ICMT: variants seen among roughly 807,000 people sequenced by gnomAD.
ICMT encodes the protein protein-S-isoprenylcysteine O-methyltransferase.
Under a neutral mutation model 32.2 loss-of-function variants are expected in ICMT, and 10 were observed. That is an observed-to-expected ratio of 0.31 (90% confidence interval 0.19 to 0.53). The LOEUF is 0.53. Among genes scored for constraint, ICMT ranks in the 20% least tolerant of loss-of-function variants. The pLI is 0.96. For synonymous variants in ICMT, 183 were observed against 158.2 expected, an observed-to-expected ratio of 1.16 and a Z score of -1.18; for missense variants, 265 against 356.9, an observed-to-expected ratio of 0.74 and a Z score of 2.07.
chr1:6,223,130 T>G lies in ICMT; in HGVS notation c.*1950A>C, dbSNP rs1193650233. 6.6e-6 allele frequency: 1 copy of G among 152,296 alleles called. No homozygotes were observed. Among genetic ancestry groups the G allele is most frequent in the Non-Finnish European group, 1.5e-5 (1 of 68,154 alleles). The allele number at this position is 152,296 out of a possible 1,614,324, so 9.4% of individuals were successfully genotyped here. A position where few individuals can be genotyped will look rare whatever the true frequency, so the allele number is the denominator to read the frequency against. The stretch of plus-strand genomic sequence containing the variant: ...TTGTTGTTGTTGTTGTTTTTTGAGA[T>G]GGAGTCTCGCCCTGTTGCCCAGACT... On this transcript the variant is annotated 3_prime_UTR_variant, in exon 5 of 5. Coordinates refer to ENST00000343813, the MANE Select transcript of ICMT (RefSeq NM_012405.4).
intron 1 of ICMT, 43 bp downstream of exon 1, chr1:6,235,674 C>T: frequency 8.8e-7 from 1 of 1,135,148 alleles, no homozygotes; most frequent in Non-Finnish European, 1.1e-6. Context: ...AAGCGGACCG[C>T]CGCCCGCCCC....
At chr1:6,230,779 C>T (rs2100965895) in intron 4 of ICMT, among the ~76,000 whole-genome samples, 1 of 151,832 alleles carries the variant, frequency 6.6e-6, no homozygotes, top group South Asian at 2.1e-4. Flanking sequence ...GTCCCAGCTA[C>T]TCAGGAGGCT....
chr1:6,230,466 A>G (rs57924020), intron 4 of ICMT, among the ~76,000 whole-genome samples: 27,242 of 151,522 alleles, frequency 0.18, 4,433 homozygotes, highest in African/African-American at 0.44. Flanking sequence ...CCTGTAATGT[A>G]TTCCAGCTAC....
At chr1:6,234,999 A>G in intron 1 of ICMT, 25 bp from the exon 2 acceptor site, 3 of 1,568,802 alleles carry the variant, frequency 1.9e-6, no homozygotes, top group Non-Finnish European at 2.6e-6. Context: ...AGAGAAGCTC[A>G]GTCATTCACA....
Position 6,223,303 on chromosome 1 carries a change from TTTA to T in ICMT, c.*1774_*1776del, listed in dbSNP as rs1668589505. On this transcript the variant is annotated 3_prime_UTR_variant, in exon 5 of 5. Transcript: ENST00000343813. ...TTTGTATTTTTAGTAGAGACGGGGT[TTTA>T]TCATGTTGGCCAGGCTGGTCTCGAA... is the stretch of plus-strand genomic sequence containing the variant. The T allele has an allele frequency of 6.6e-6, 1 of 152,178 alleles. No individual in the cohort carries two copies. 9.4% of individuals were successfully genotyped at this position (152,178 alleles called of 1,614,324 possible).
Position 6,233,455 on chromosome 1 carries a change from G to A in ICMT, c.454+19C>T, listed in dbSNP as rs772726013. 1.4e-4 allele frequency: 226 copies of A among 1,607,406 alleles called. 2 individuals carry two copies. The highest frequency in any genetic ancestry group is 1.7e-4 in the Non-Finnish European group (195 of 1,176,610). ...AGCCACCCTTTTCCCCTCCAGAGGG[G>A]GACATAAGGCACACGAACCTGGCCA... On this transcript the variant is annotated intron_variant, in intron 3 of 4. Transcript: ENST00000343813.
In ICMT at chr1:6,221,740, G is replaced by A. The variant is rs1274324049; in HGVS notation, c.*3340C>T. 6.6e-6 allele frequency: 1 copy of A among 152,216 alleles called. No individual in the cohort carries two copies. 9.4% of individuals were successfully genotyped at this position (152,216 alleles called of 1,614,324 possible). A position where few individuals can be genotyped will look rare whatever the true frequency, so the allele number is the denominator to read the frequency against. ...AGGCTCAAGGAGCAGCTCGTGAAGG[G>A]GTGGCAGGTGCGCTGCTGCCTTGTT... On this transcript the variant is annotated 3_prime_UTR_variant, in exon 5 of 5. Transcript: ENST00000343813.
intron 4 of ICMT, among the ~76,000 whole-genome samples, chr1:6,231,668 G>C (rs1217124958): frequency 2.0e-5 from 3 of 152,128 alleles, no homozygotes; most frequent in Non-Finnish European, 4.4e-5. Context: ...TGGGCACATA[G>C]TGAAAAGCAT....
chr1:6,227,006 A>G (rs116644935), intron 4 of ICMT, among the ~76,000 whole-genome samples: 1 of 152,362 alleles, frequency 6.6e-6, no homozygotes, highest in African/African-American at 2.4e-5. Flanking sequence ...CTACAGTGGG[A>G]GTTCTCTATA....
chr1:6,234,962 C>G lies in ICMT; in HGVS notation c.208G>C (p.Ala70Pro). The change falls in exon 2 of 5, where the codon GCT becomes CCT. Residue 70 changes from alanine (A) to proline (P), a missense_variant. Around this residue, in one of 2 missense-constraint regions of ICMT, gnomAD observed 166 missense variants for 264.3 expected, o/e 0.63. Coordinates refer to ENST00000343813, the MANE Select transcript of ICMT (RefSeq NM_012405.4). ...RPPRYQIAIR[A>P]CFLGFVFGCG... ...CCGAACACAAACCCCAGGAAACAAGCTCGGATGGCTATCTGAAAGGAACCC... is the reference window on the plus strand; with the variant it reads ...CCGAACACAAACCCCAGGAAACAAGGTCGGATGGCTATCTGAAAGGAACCC... The G allele has an allele frequency of 6.2e-7, 1 of 1,613,792 alleles. No individual in the cohort carries two copies. Among genetic ancestry groups the G allele is most frequent in the Non-Finnish European group, 8.5e-7 (1 of 1,179,904 alleles).
At position 6,222,890 on chromosome 1, in the gene ICMT, T is replaced by G. The variant is rs846110; in HGVS notation, c.*2190A>C. The G allele has an allele frequency of 0.011, 1,680 of 152,360 alleles. 19 individuals carry two copies. Among genetic ancestry groups the G allele is most frequent in the Non-Finnish European group, 0.017 (1,181 of 68,038 alleles). 9.4% of individuals were successfully genotyped at this position (152,360 alleles called of 1,614,324 possible). On this transcript the variant is annotated 3_prime_UTR_variant, in exon 5 of 5. Coordinates refer to ENST00000343813, the MANE Select transcript of ICMT (RefSeq NM_012405.4). Reference sequence around the variant, plus strand: ...AACTACATCCTCTCCCGGTTTGCAGTTCTAGGAAGTGGAATTTGCTGCCCT... The same window carrying G: ...AACTACATCCTCTCCCGGTTTGCAGGTCTAGGAAGTGGAATTTGCTGCCCT...
chr1:6,227,573 C>T (rs531534510), intron 4 of ICMT, among the ~76,000 whole-genome samples: 10 of 152,206 alleles, frequency 6.6e-5, no homozygotes, highest in African/African-American at 2.4e-4. Flanking sequence ...AGAAATAAGG[C>T]GGCCAGGCGC....
chr1:6,225,281 A>G lies in ICMT; in HGVS notation c.673-19T>C. On this transcript the variant is annotated intron_variant, in intron 4 of 4. Coordinates refer to ENST00000343813, the MANE Select transcript of ICMT (RefSeq NM_012405.4). ...GCATCACCTAACAGAGGGAGACACC[A>G]GGCTCATCAGGGTGACCGTGGGATG... 6.2e-7 allele frequency: 1 copy of G among 1,608,542 alleles called. No individual in the cohort carries two copies. Among genetic ancestry groups the G allele is most frequent in the Non-Finnish European group, 8.5e-7 (1 of 1,177,508 alleles).
Position 6,235,950 on chromosome 1 carries a change from G to GAAGCCCGGAGAAACGCGCCGGC in ICMT, c.-40_-39insGCCGGCGCGTTTCTCCGGGCTT. The GAAGCCCGGAGAAACGCGCCGGC allele has an allele frequency of 9.5e-7, 1 of 1,054,128 alleles. No homozygotes were observed. The highest frequency in any genetic ancestry group is 1.2e-6 in the Non-Finnish European group (1 of 864,584). The allele number at this position is 1,054,128 out of a possible 1,614,324, so 65.3% of individuals were successfully genotyped here. A position where few individuals can be genotyped will look rare whatever the true frequency, so the allele number is the denominator to read the frequency against. Reference sequence around the variant, plus strand: ...GGACTAGCGGGCGGCGGCGCCGGCTGTAGCCCGGAGAAACGCGCCGGCTGC... The same window carrying GAAGCCCGGAGAAACGCGCCGGC: ...GGACTAGCGGGCGGCGGCGCCGGCTGAAGCCCGGAGAAACGCGCCGGCTAGCCCGGAGAAACGCGCCGGCTGC... On this transcript the variant is annotated 5_prime_UTR_variant, in exon 1 of 5. Coordinates refer to ENST00000343813, the MANE Select transcript of ICMT (RefSeq NM_012405.4).
Position 6,224,620 on chromosome 1 carries a change from C to T in ICMT, c.*460G>A, listed in dbSNP as rs1802353. The T allele has an allele frequency of 0.16, 24,054 of 155,032 alleles. 3,144 individuals carry two copies. Among genetic ancestry groups the T allele is most frequent in the African/African-American group, 0.36 (15,150 of 41,522 alleles). 9.6% of individuals were successfully genotyped at this position (155,032 alleles called of 1,614,324 possible). On this transcript the variant is annotated 3_prime_UTR_variant, in exon 5 of 5. Transcript: ENST00000343813. ...ACAGAAATAAAGAGGTTAAAGCGGT[C>T]TGTGTTTTTCGGTTAAATGAAAGGT...
rs758752232 is a variant in ICMT, at chr1:6,234,766, A to C, written c.284+120T>G. 79 of 779,072 alleles carry C rather than the reference A, an allele frequency of 1.0e-4. No homozygotes were observed. In the African/African-American group the frequency reaches 1.3e-3, roughly 13 times the overall value. The allele number at this position is 779,072 out of a possible 1,614,324, so 48.3% of individuals were successfully genotyped here. A position where few individuals can be genotyped will look rare whatever the true frequency, so the allele number is the denominator to read the frequency against. On this transcript the variant is annotated intron_variant, in intron 2 of 4. Transcript: ENST00000343813. ...GGGGAAGCCAGGAGACTTCGTTTCC[A>C]GAGAACCCTGAACAGCCTTCTGCCG...
intron 2 of ICMT, chr1:6,234,568 G>T (rs986058336): frequency 1.0e-5 from 5 of 487,526 alleles, no homozygotes; most frequent in Non-Finnish European, 2.0e-5. Flanking sequence ...CCCTGCCCCT[G>T]CCCGCCACCG....
At chr1:6,231,836 A>C in intron 4 of ICMT, 66 bp downstream of exon 4, 1 of 994,570 alleles carries the variant, frequency 1.0e-6, no homozygotes, top group Non-Finnish European at 1.5e-6. Flanking sequence ...TGCTACGTGA[A>C]TATCACGTTT....
At chr1:6,232,232 T>G (rs2100967572) in intron 3 of ICMT, 113 bp from the exon 4 acceptor site, 1 of 701,630 alleles carries the variant, frequency 1.4e-6, no homozygotes. Flanking sequence ...GAAAATGTGC[T>G]GCTGGGCAAT....
Sources: allele counts gnomAD v4.1 joint callset (sites outside exome capture counted in the v4.1 genomes callset), GRCh38; gene constraint gnomAD v4.1.1; regional missense constraint gnomAD v4.1.1; transcripts MANE v1.5; gene names NCBI Gene and HGNC (gene_info 2026-07-23, HGNC 2026-07-21).